Variants in CTCF observed in about 807,000 individuals in gnomAD.
CTCF encodes CCCTC-binding factor, also known as transcriptional repressor CTCF.
In CTCF, 7 loss-of-function variants were observed where a neutral mutation model predicts 72.3. That is an observed-to-expected ratio of 0.10 (90% CI 0.06 to 0.18). The LOEUF is 0.18. Ranked by LOEUF, CTCF falls within the 10% of genes least tolerant of loss-of-function variation. The pLI, the probability that CTCF is intolerant of heterozygous loss-of-function variation, is 1.00. For synonymous variants in CTCF, 374 were observed against 315.8 expected (o/e 1.18, Z -1.95); for missense variants, 516 against 949.1 (o/e 0.54, Z 6.00).
intron 2 of CTCF, among the ~76,000 whole-genome samples, chr16:67,592,579 C>T (rs1174998248): frequency 6.6e-6 from 1 of 151,892 alleles, no homozygotes; most frequent in Non-Finnish European, 1.5e-5. Flanking sequence ...GTGGCATGCG[C>T]CTGTAGTCCC....
intron 1 of CTCF, among the ~76,000 whole-genome samples, chr16:67,570,443 GTGTTT>G (rs368407570): frequency 0.012 from 1,736 of 148,992 alleles, 46 homozygotes; most frequent in African/African-American, 0.041. Flanking sequence ...TTGCAGTGGA[GTGTTT>G]TGTTTTGTTT....
chr16:67,629,553 A>G lies in CTCF; in HGVS notation c.1837+20A>G. On this transcript the variant is annotated intron_variant, in intron 10 of 11. Coordinates refer to ENST00000264010, the MANE Select transcript of CTCF (RefSeq NM_006565.4). ...ACAGTGGTAAGTGACTTGTTCCTTG[A>G]TTTGCTTACTATGGCAGGCTTTGGA... is the stretch of plus-strand genomic sequence containing the variant. 2 of 1,611,090 alleles carry G rather than the reference A, an allele frequency of 1.2e-6. No individual in the cohort carries two copies. Among genetic ancestry groups the G allele is most frequent in the Non-Finnish European group, 8.5e-7 (1 of 1,178,686 alleles).
Position 67,638,674 on chromosome 16 carries a change from T to G in CTCF, c.*802T>G, listed in dbSNP as rs2052465876. On this transcript the variant is annotated 3_prime_UTR_variant, in exon 12 of 12. Transcript: ENST00000264010. ...CCACGGAGCCAGCATTTGAACCTTG[T>G]ATAATTAACTTTCAGTTATGATTTC... 4.3e-6 allele frequency: 1 copy of G among 230,348 alleles called. No individual in the cohort carries two copies. Among genetic ancestry groups the G allele is most frequent in the Non-Finnish European group, 8.6e-6 (1 of 116,038 alleles). 14.3% of individuals were successfully genotyped at this position (230,348 alleles called of 1,614,324 possible).
intron 10 of CTCF, among the ~76,000 whole-genome samples, chr16:67,634,646 T>C (rs2052406605): frequency 6.6e-6 from 1 of 151,370 alleles, no homozygotes; most frequent in African/African-American, 2.4e-5. Context: ...GTCTCTTGAG[T>C]AGCTGGGACT....
chr16:67,579,617 C>G (rs1248451441), intron 2 of CTCF, among the ~76,000 whole-genome samples: 1 of 152,102 alleles, frequency 6.6e-6, no homozygotes, highest in Non-Finnish European at 1.5e-5. Flanking sequence ...CCTCGGCCTC[C>G]CAATTGCCCT....
rs758373415 is a variant in CTCF, at chr16:67,616,924, A to G, written c.1086+46A>G. On this transcript the variant is annotated intron_variant, in intron 5 of 11. Coordinates refer to ENST00000264010, the MANE Select transcript of CTCF (RefSeq NM_006565.4). ...TGGTATCTCTCTTAGGCAGACCATG[A>G]TTTATTTCAATACAAAGCTATAACT... 3 of 1,589,234 alleles carry G rather than the reference A, an allele frequency of 1.9e-6. No individual in the cohort carries two copies. The East Asian group carries it at 6.7e-5, about 36-fold the overall frequency.
chr16:67,586,982 A>G (rs2051676870), intron 2 of CTCF, among the ~76,000 whole-genome samples: 1 of 151,920 alleles, frequency 6.6e-6, no homozygotes, highest in African/African-American at 2.4e-5. Context: ...TTTTGTAAAG[A>G]CAAGGTTTTG....
At chr16:67,586,007 G>A (rs1293277525) in intron 2 of CTCF, among the ~76,000 whole-genome samples, 2 of 151,968 alleles carry the variant, frequency 1.3e-5, no homozygotes, top group Admixed American at 6.6e-5. Flanking sequence ...CTTGGTTATG[G>A]TATTGCCTGC....
In CTCF at chr16:67,614,176, G is replaced by A. The variant is rs111388093; in HGVS notation, c.952+2055G>A. Among the ~76,000 whole-genome samples the A allele has an allele frequency of 9.7e-3, 1,459 of 150,674 alleles. 27 individuals carry two copies. The highest frequency in any genetic ancestry group is 0.033 in the African/African-American group (1,352 of 41,040). ...AGCCTGGCTAACATGACGAAACCTC[G>A]TCTCTACTAAAAATATAAAAATTAG... On this transcript the variant is annotated intron_variant, in intron 4 of 11. Coordinates refer to ENST00000264010, the MANE Select transcript of CTCF (RefSeq NM_006565.4).
At position 67,618,326 on chromosome 16, in the gene CTCF, T is replaced by C. The variant is rs1057371584; in HGVS notation, c.1086+1448T>C. On this transcript the variant is annotated intron_variant, in intron 5 of 11. Coordinates refer to ENST00000264010, the MANE Select transcript of CTCF (RefSeq NM_006565.4). The stretch of plus-strand genomic sequence containing the variant: ...CTGAGGCAGGAGAATCACTTGAACC[T>C]GGGAGGTGAAGGTTGCATTGAGGCA... Among the ~76,000 whole-genome samples, 3 of 152,214 alleles carry C rather than the reference T, an allele frequency of 2.0e-5. No individual in the cohort carries two copies. In the South Asian group the frequency reaches 6.2e-4, roughly 32 times the overall value.
Position 67,610,810 on chromosome 16 carries a change from CT to C in CTCF, c.-9-13del, listed in dbSNP as rs2052051493. The C allele has an allele frequency of 7.0e-7, 1 of 1,433,632 alleles. No homozygotes were observed. Among genetic ancestry groups the C allele is most frequent in the Non-Finnish European group, 9.2e-7 (1 of 1,086,504 alleles). The allele number at this position is 1,433,632 out of a possible 1,614,324, so 88.8% of individuals were successfully genotyped here. A position where few individuals can be genotyped will look rare whatever the true frequency, so the allele number is the denominator to read the frequency against. On this transcript the variant is annotated splice_polypyrimidine_tract_variant and intron_variant, in intron 2 of 11. Transcript: ENST00000264010. ...TTTGCTTTAAATAACAATCTGTGTTCTCCCTTAATAAAGGCAGGGGAAATGG... is the reference window on the plus strand; with the variant it reads ...TTTGCTTTAAATAACAATCTGTGTTCCCCTTAATAAAGGCAGGGGAAATGG...
chr16:67,575,811 T>G (rs1233901917), intron 2 of CTCF, among the ~76,000 whole-genome samples: 2 of 152,046 alleles, frequency 1.3e-5, no homozygotes, highest in Non-Finnish European at 2.9e-5. Flanking sequence ...CAAATGTTAA[T>G]GAACTAAACG....
chr16:67,577,441 T>G (rs2051513409), intron 2 of CTCF, among the ~76,000 whole-genome samples: 1 of 151,646 alleles, frequency 6.6e-6, no homozygotes, highest in South Asian at 2.1e-4. Flanking sequence ...ACTTCTTTTT[T>G]TTTTTTTATT....
At chr16:67,637,627 AC>A in intron 11 of CTCF, 60 bp from the exon 12 acceptor site, 1 of 1,447,530 alleles carries the variant, frequency 6.9e-7, no homozygotes, top group Non-Finnish European at 9.5e-7. Context: ...AGTCTAAAAG[AC>A]CCTTGTGATT....
At chr16:67,634,429 A>C (rs928083709) in intron 10 of CTCF, among the ~76,000 whole-genome samples, 1 of 151,732 alleles carries the variant, frequency 6.6e-6, no homozygotes, top group African/African-American at 2.4e-5. Context: ...GCTGGTCTCA[A>C]AGTCCTGACT....
intron 9 of CTCF, 36 bp from the exon 10 acceptor site, chr16:67,629,362 T>C (rs2052332568): frequency 1.3e-6 from 2 of 1,568,726 alleles, no homozygotes; most frequent in African/African-American, 1.4e-5. Flanking sequence ...TTAGCTTTTT[T>C]AGTGGTGTGA....
intron 2 of CTCF, among the ~76,000 whole-genome samples, chr16:67,573,725 C>A (rs1170927079): frequency 6.6e-6 from 1 of 151,680 alleles, no homozygotes; most frequent in Non-Finnish European, 1.5e-5. Flanking sequence ...ATAACAACCA[C>A]CATCAACACA....
chr16:67,619,394 A>T (rs2052173106), intron 5 of CTCF, among the ~76,000 whole-genome samples: 1 of 152,164 alleles, frequency 6.6e-6, no homozygotes, highest in Non-Finnish European at 1.5e-5. Context: ...CACAATCGTG[A>T]CAGTGTACTC....
At chr16:67,607,466 T>C (rs1196524709) in intron 2 of CTCF, among the ~76,000 whole-genome samples, 1 of 151,798 alleles carries the variant, frequency 6.6e-6, no homozygotes, top group Admixed American at 6.6e-5. Context: ...CCACTACGCC[T>C]GGCTAATTTT....
Sources: allele counts gnomAD v4.1 joint callset (sites outside exome capture counted in the v4.1 genomes callset), GRCh38; gene constraint gnomAD v4.1.1; transcripts MANE v1.5; gene names NCBI Gene and HGNC (gene_info 2026-07-23, HGNC 2026-07-21).